Variants in ZNF609 observed in about 807,000 individuals in gnomAD.
ZNF609 encodes the protein zinc finger protein 609.
ZNF609 carries 11 observed loss-of-function variants against 109.5 expected under a neutral mutation model. The ratio of observed to expected loss-of-function variants is 0.10; its 90% CI spans 0.06 to 0.17. ZNF609 has a LOEUF of 0.17. Among genes scored for constraint, ZNF609 ranks in the 10% least tolerant of loss-of-function variants. ZNF609 has a pLI of 1.00. For missense variants in ZNF609, 1,559 were observed against 1,772.4 expected (o/e 0.88, Z 2.16); for synonymous variants, 646 against 662.0 (o/e 0.98, Z 0.37).
At chr15:64,536,916 G>GAAAAAAAA (rs60594462) in intron 2 of ZNF609, among the ~76,000 whole-genome samples, 3 of 55,402 alleles carry the variant, frequency 5.4e-5, no homozygotes, top group Admixed American at 2.8e-4. Flanking sequence ...TCTCAAAAAA[G>GAAAAAAAA]AAAAAAAAAA....
chr15:64,681,581 C>G (rs893127435), intron 9 of ZNF609, 111 bp from the exon 10 acceptor site: 20 of 571,260 alleles, frequency 3.5e-5, no homozygotes, highest in Non-Finnish European at 6.3e-5. Flanking sequence ...CACAGTGTCC[C>G]CTAGGGACCA....
chr15:64,567,866 T>G (rs1320037949), intron 2 of ZNF609, among the ~76,000 whole-genome samples: 2 of 152,100 alleles, frequency 1.3e-5, no homozygotes, highest in Non-Finnish European at 2.9e-5. Context: ...TTTCAGCGTA[T>G]TAGCCAGGAT....
intron 1 of ZNF609, among the ~76,000 whole-genome samples, chr15:64,483,114 A>T (rs538797834): frequency 4.7e-5 from 7 of 150,354 alleles, no homozygotes; most frequent in Non-Finnish European, 1.0e-4. Flanking sequence ...TTTCCCCCTG[A>T]GATGGAGTTT....
intron 2 of ZNF609, among the ~76,000 whole-genome samples, chr15:64,507,340 C>T (rs942983279): frequency 1.3e-5 from 2 of 152,122 alleles, no homozygotes; most frequent in African/African-American, 4.8e-5. Context: ...CAGAGCTCAT[C>T]CAGGGAGGCA....
chr15:64,547,958 T>C (rs1894395743), intron 2 of ZNF609, among the ~76,000 whole-genome samples: 1 of 152,180 alleles, frequency 6.6e-6, no homozygotes, highest in South Asian at 2.1e-4. Flanking sequence ...TGGAAAGTCA[T>C]CATAAACCAA....
chr15:64,667,572 G>T (rs935017080), intron 3 of ZNF609, among the ~76,000 whole-genome samples: 23 of 151,916 alleles, frequency 1.5e-4, no homozygotes, highest in Non-Finnish European at 2.9e-4. Flanking sequence ...ATTAGCCCGG[G>T]CATGGTGGCA....
chr15:64,488,173 G>T (rs568825928), intron 1 of ZNF609, among the ~76,000 whole-genome samples: 61 of 152,242 alleles, frequency 4.0e-4, no homozygotes, highest in African/African-American at 1.5e-3. Context: ...GATTCTTAAT[G>T]AATCTGAATT....
intron 2 of ZNF609, among the ~76,000 whole-genome samples, chr15:64,544,731 T>G (rs1894327667): frequency 6.6e-6 from 1 of 152,220 alleles, no homozygotes; most frequent in Admixed American, 6.5e-5. Flanking sequence ...ATCCCTTCTC[T>G]TAACTCCTCT....
intron 1 of ZNF609, among the ~76,000 whole-genome samples, chr15:64,496,818 TC>T (rs1344377716): frequency 4.6e-5 from 7 of 151,784 alleles, no homozygotes; most frequent in Admixed American, 6.6e-5. Flanking sequence ...TTTTTTTCTT[TC>T]TTTTTTTTTT....
chr15:64,672,222 C>T (rs1313713843), intron 4 of ZNF609, among the ~76,000 whole-genome samples: 3 of 149,846 alleles, frequency 2.0e-5, no homozygotes. Flanking sequence ...CCGTTTTAGC[C>T]AGGATGGTCT....
chr15:64,638,722 T>G (rs745862779), intron 3 of ZNF609, among the ~76,000 whole-genome samples: 3 of 151,674 alleles, frequency 2.0e-5, no homozygotes, highest in Admixed American at 6.6e-5. Flanking sequence ...ATGGCGAAAC[T>G]CCATCTCTAC....
At chr15:64,662,611 C>T (rs1430029904) in intron 3 of ZNF609, among the ~76,000 whole-genome samples, 4 of 152,178 alleles carry the variant, frequency 2.6e-5, no homozygotes, top group Admixed American at 6.5e-5. Flanking sequence ...AGGCATGAGC[C>T]ACCATGCTTG....
intron 2 of ZNF609, among the ~76,000 whole-genome samples, chr15:64,523,292 C>T (rs1439851316): frequency 6.6e-6 from 1 of 152,062 alleles, no homozygotes; most frequent in Admixed American, 6.5e-5. Flanking sequence ...AATATGGACT[C>T]CCTTGCATAA....
intron 2 of ZNF609, chr15:64,528,549 G>A: frequency 1.7e-6 from 1 of 572,572 alleles, no homozygotes; most frequent in Middle Eastern, 4.8e-4. Flanking sequence ...GGGTCTGCAT[G>A]GAAACTGTGA....
At chr15:64,595,355 C>T (rs1255830440) in intron 2 of ZNF609, among the ~76,000 whole-genome samples, 11 of 144,434 alleles carry the variant, frequency 7.6e-5, no homozygotes, top group South Asian at 6.5e-4. Flanking sequence ...AGGAAGATTC[C>T]GTCTCAAAAA....
At chr15:64,499,213 GT>G (rs753560351) in intron 1 of ZNF609, 79 bp from the exon 2 acceptor site, 379 of 591,510 alleles carry the variant, frequency 6.4e-4, no homozygotes, top group Non-Finnish European at 9.5e-4. Flanking sequence ...GGAAGGGTCT[GT>G]TTTTGTGTGG....
At chr15:64,510,103 A>G (rs1412547792) in intron 2 of ZNF609, among the ~76,000 whole-genome samples, 3 of 152,228 alleles carry the variant, frequency 2.0e-5, no homozygotes, top group Non-Finnish European at 2.9e-5. Flanking sequence ...ATCATCTCAC[A>G]TCATCACAAA....
chr15:64,657,087 G>A (rs1028165153), intron 3 of ZNF609, among the ~76,000 whole-genome samples: 2 of 151,242 alleles, frequency 1.3e-5, no homozygotes, highest in East Asian at 2.0e-4. Flanking sequence ...GGCGAAACCC[G>A]TCTCTACTAA....
At position 64,675,495 on chromosome 15, in the gene ZNF609, C is replaced by A. The variant is rs1204727106; in HGVS notation, c.2641C>A (p.Pro881Thr). ...VKEGAKKTLF[P>T]PQPQSKDSPY... ...AGAAGGGGCTAAGAAAACTCTTTTT[C>A]CCCCTCAGCCTCAGAGCAAAGACTC... Residue 881 changes from proline to threonine, a missense_variant, in exon 5 of 10, where the codon CCC becomes ACC. By Grantham distance (38) the Pro-to-Thr change is conservative. This residue lies in a region of ZNF609 where 1,204 missense variants were observed against 1,314.1 expected (regional missense o/e 0.92). Coordinates refer to ENST00000326648, the MANE Select transcript of ZNF609 (RefSeq NM_015042.2). 1 of 1,614,012 alleles carries A rather than the reference C, an allele frequency of 6.2e-7. No individual in the cohort carries two copies.
Sources: gnomAD v4.1 joint callset for allele counts (sites outside exome capture counted in the v4.1 genomes callset) on GRCh38, gnomAD v4.1.1 for gene constraint, gnomAD v4.1.1 regional missense constraint, MANE v1.5 for transcripts, NCBI Gene and HGNC (gene_info 2026-07-23, HGNC 2026-07-21) for gene names.